Variants in NUDT19 observed in about 807,000 individuals in gnomAD.
The protein encoded by NUDT19 is nudix hydrolase 19, also known as acyl-coenzyme A diphosphatase NUDT19.
In NUDT19, 31 loss-of-function variants were observed where a neutral mutation model predicts 22.2. That is an observed-to-expected ratio of 1.40 (90% CI 1.05 to 1.89). The LOEUF is 1.89. Ranked by LOEUF, NUDT19 falls within the 40% of genes most tolerant of loss-of-function variation. The pLI, the probability that NUDT19 is intolerant of heterozygous loss-of-function variation, is 0.00. For missense variants in NUDT19, 752 were observed against 514.2 expected, an observed-to-expected ratio of 1.46 and a Z score of -4.47; for synonymous variants, 325 against 230.8, an observed-to-expected ratio of 1.41 and a Z score of -3.70.
Position 32,711,899 on chromosome 19 carries a change from A to T in NUDT19, c.1070A>T (p.Gln357Leu), listed in dbSNP as rs766514095. ...RHLYDIHVTVQPKYKHVYPKN... is the reference protein window; with the variant it reads ...RHLYDIHVTVLPKYKHVYPKN... ...CTTTATGATATCCACGTGACTGTTCAGCCAAAGTATAAACACGTTTATCCT... is the reference window on the plus strand; with the variant it reads ...CTTTATGATATCCACGTGACTGTTCTGCCAAAGTATAAACACGTTTATCCT... Residue 357 changes from glutamine to leucine, a missense_variant, in exon 3 of 3, where the codon CAG (glutamine) becomes CTG (leucine). By Grantham distance (113) the Gln-to-Leu change is moderately radical. Coordinates refer to ENST00000397061, the MANE Select transcript of NUDT19 (RefSeq NM_001105570.2). The T allele has an allele frequency of 1.2e-6, 2 of 1,614,068 alleles. No individual in the cohort carries two copies. Among genetic ancestry groups the T allele is most frequent in the East Asian group, 2.2e-5 (1 of 44,876 alleles).
At position 32,709,213 on chromosome 19, in the gene NUDT19, G is replaced by A; in HGVS notation, c.743G>A (p.Ser248Asn). The change falls in exon 2 of 3, where the codon AGT (serine) becomes AAT (asparagine). Residue 248 changes from serine to asparagine, a missense_variant. Transcript: ENST00000397061. Reference sequence around the variant, plus strand: ...TCATCTCCATCAGAGGCAACTGAAAGTTTCTTATCAAAAGAAATTTGGTTG... The same window carrying A: ...TCATCTCCATCAGAGGCAACTGAAAATTTCTTATCAAAAGAAATTTGGTTG... The part of the protein sequence containing the change: ...QWSSPSEATE[S>N]FLSKEIWLPP... The A allele has an allele frequency of 6.2e-7, 1 of 1,613,716 alleles. No homozygotes were observed. Among genetic ancestry groups the A allele is most frequent in the South Asian group, 1.1e-5 (1 of 91,062 alleles).
intron 2 of NUDT19, among the ~76,000 whole-genome samples, chr19:32,711,510 G>A (rs11669688): frequency 6.6e-6 from 1 of 152,064 alleles, no homozygotes. Flanking sequence ...TAAGCTCATA[G>A]AATTAGATTA....
intron 1 of NUDT19, among the ~76,000 whole-genome samples, chr19:32,700,881 AT>A (rs1968327764): frequency 6.6e-6 from 1 of 152,056 alleles, no homozygotes; most frequent in Admixed American, 6.6e-5. Context: ...TCTAGAAAAA[AT>A]TTTAAAACTT....
Position 32,692,127 on chromosome 19 carries a change from T to A in NUDT19, c.167T>A (p.Met56Lys). The change falls in exon 1 of 3, where the codon ATG becomes AAG. Residue 56 changes from methionine (M) to lysine (K), a missense_variant. By Grantham distance (95) the Met-to-Lys change is moderately conservative. Coordinates refer to ENST00000397061, the MANE Select transcript of NUDT19 (RefSeq NM_001105570.2). Reference sequence around the variant, plus strand: ...CAGCGCTCCCCGCACCAAGGCTTCATGCCGGGCGCGCACGTCTTCTCCGGC... The same window carrying A: ...CAGCGCTCCCCGCACCAAGGCTTCAAGCCGGGCGCGCACGTCTTCTCCGGC... ...LLQRSPHQGF[M>K]PGAHVFSGGV... The A allele has an allele frequency of 6.8e-7, 1 of 1,471,660 alleles. No individual in the cohort carries two copies. The highest frequency in any genetic ancestry group is 8.9e-7 in the Non-Finnish European group (1 of 1,120,520). 91.2% of individuals were successfully genotyped at this position (1,471,660 alleles called of 1,614,324 possible).
Position 32,698,262 on chromosome 19 carries a change from A to T in NUDT19, c.714+5588A>T, listed in dbSNP as rs142294791. Reference sequence around the variant, plus strand: ...CCTCAGGTGGCCATTTTTCCCCATCAGAGAGAGAAATTGGGGCCAGGCTGT... The same window carrying T: ...CCTCAGGTGGCCATTTTTCCCCATCTGAGAGAGAAATTGGGGCCAGGCTGT... On this transcript the variant is annotated intron_variant, in intron 1 of 2. Transcript: ENST00000397061. Among the ~76,000 whole-genome samples the T allele has an allele frequency of 1.2e-4, 19 of 152,296 alleles. No homozygotes were observed. In the East Asian group the frequency reaches 2.5e-3, roughly 20 times the overall value.
At chr19:32,693,707 G>C (rs535999303) in intron 1 of NUDT19, among the ~76,000 whole-genome samples, 27 of 152,200 alleles carry the variant, frequency 1.8e-4, no homozygotes, top group African/African-American at 6.0e-4. Context: ...GTACTGATTG[G>C]TGCATTTACA....
chr19:32,694,153 G>A (rs1968237196), intron 1 of NUDT19, among the ~76,000 whole-genome samples: 1 of 152,242 alleles, frequency 6.6e-6, no homozygotes, highest in African/African-American at 2.4e-5. Context: ...GCGAGTAATA[G>A]TAAAACGGCT....
intron 1 of NUDT19, among the ~76,000 whole-genome samples, chr19:32,693,340 G>A (rs1000537144): frequency 6.6e-5 from 10 of 152,104 alleles, no homozygotes; most frequent in Non-Finnish European, 8.8e-5. Flanking sequence ...AAGGTGGTGC[G>A]TCAGGAGTTG....
At position 32,693,287 on chromosome 19, in the gene NUDT19, G is replaced by A. The variant is rs189558561; in HGVS notation, c.714+613G>A. 7.9e-5 allele frequency among the ~76,000 whole-genome samples: 12 copies of A among 152,254 alleles called. No individual in the cohort carries two copies. In the East Asian group the frequency reaches 2.3e-3, roughly 29 times the overall value. On this transcript the variant is annotated intron_variant, in intron 1 of 2. Transcript: ENST00000397061. ...TAGGTTCGTGGTCTCGCTGACTTCA[G>A]GATTGAAGCCGCAGACCTTCGCAGT... is the stretch of plus-strand genomic sequence containing the variant.
At chr19:32,700,341 GCTGATTGGTGCGTTTTTACAGAGTA>G (rs1214442446) in intron 1 of NUDT19, among the ~76,000 whole-genome samples, 137 of 152,308 alleles carry the variant, frequency 9.0e-4, no homozygotes, top group African/African-American at 3.2e-3. Context: ...GACACAGAGT[GCTGATTGGTGCGTTTTTACAGAGTA>G]CTGATTGGTG....
At chr19:32,709,899 C>T (rs1413726572) in intron 2 of NUDT19, among the ~76,000 whole-genome samples, 3 of 152,032 alleles carry the variant, frequency 2.0e-5, no homozygotes, top group Non-Finnish European at 4.4e-5. Context: ...GTGATCCACC[C>T]GCCTTGGCCT....
chr19:32,710,261 G>A (rs527867437), intron 2 of NUDT19, among the ~76,000 whole-genome samples: 6 of 151,326 alleles, frequency 4.0e-5, no homozygotes, highest in Admixed American at 3.3e-4. Flanking sequence ...TGATCCGCCC[G>A]CCTCAGCCTC....
chr19:32,696,167 T>C (rs575361718), intron 1 of NUDT19, among the ~76,000 whole-genome samples: 1 of 152,326 alleles, frequency 6.6e-6, no homozygotes, highest in East Asian at 1.9e-4. Context: ...ATGTATGCAC[T>C]TGAAGCACTG....
intron 1 of NUDT19, among the ~76,000 whole-genome samples, chr19:32,699,251 T>C (rs1054106431): frequency 6.6e-6 from 1 of 152,106 alleles, no homozygotes; most frequent in African/African-American, 2.4e-5. Context: ...TTTTTAGAAG[T>C]GGGACTAGCC....
chr19:32,705,267 CA>C (rs961771643), intron 1 of NUDT19, among the ~76,000 whole-genome samples: 5 of 151,098 alleles, frequency 3.3e-5, no homozygotes, highest in East Asian at 3.9e-4. Context: ...CTAAAAATAC[CA>C]AAAAAATTAG....
chr19:32,706,783 GTAT>G (rs1255409527), intron 1 of NUDT19, among the ~76,000 whole-genome samples: 5 of 152,228 alleles, frequency 3.3e-5, no homozygotes, highest in Non-Finnish European at 7.3e-5. Context: ...AGCATAGTTT[GTAT>G]AAGGCTTAGC....
chr19:32,710,917 C>A (rs1968440580), intron 2 of NUDT19, among the ~76,000 whole-genome samples: 2 of 151,600 alleles, frequency 1.3e-5, no homozygotes. Context: ...ATTTATTACT[C>A]AACCTACAGT....
chr19:32,703,394 G>A (rs2145364033), intron 1 of NUDT19, among the ~76,000 whole-genome samples: 1 of 152,046 alleles, frequency 6.6e-6, no homozygotes, highest in Non-Finnish European at 1.5e-5. Context: ...TGTTCCCCAG[G>A]CTGCAGTGCA....
intron 1 of NUDT19, among the ~76,000 whole-genome samples, chr19:32,701,199 G>GTTTTTTTTTTTTTTTTT (rs3042685): frequency 9.9e-6 from 1 of 101,032 alleles, no homozygotes. Context: ...CATCTTGCAG[G>GTTTTTTTTTTTTTTTTT]TTTTTTTTTT....
Sources: gnomAD v4.1 joint callset for allele counts (sites outside exome capture counted in the v4.1 genomes callset) on GRCh38, gnomAD v4.1.1 for gene constraint, MANE v1.5 for transcripts, NCBI Gene and HGNC (gene_info 2026-07-23, HGNC 2026-07-21) for gene names.